Variants in ZNF776 observed in about 807,000 individuals in gnomAD.
The protein encoded by ZNF776 is zinc finger protein 776.
A neutral mutation model predicts 7.0 loss-of-function variants in ZNF776; 4 were observed. That is an observed-to-expected ratio of 0.57 (90% CI 0.28 to 1.31). The LOEUF (loss-of-function observed/expected upper bound fraction) is 1.31, where lower values mean the gene tolerates loss of function less well. ZNF776 is among the 50% of genes most tolerant of loss of function. ZNF776 has a pLI of 0.10. For synonymous variants in ZNF776, 212 were observed against 213.7 expected (o/e 0.99, Z 0.07); for missense variants, 555 against 625.9 (o/e 0.89, Z 1.21).
At position 57,756,149 on chromosome 19, in the gene ZNF776, T is replaced by C. The variant is rs1056823285; in HGVS notation, c.*1462T>C. On this transcript the variant is annotated 3_prime_UTR_variant, in exon 3 of 3. Transcript: ENST00000317178. ...GCATTCAAAGCTGTCCTGAGATACA[T>C]GCGGCCCACAAGCTGCGGGTTGGAC... 1.3e-5 allele frequency: 2 copies of C among 152,190 alleles called. No homozygotes were observed. The highest frequency in any genetic ancestry group is 2.9e-5 in the Non-Finnish European group (2 of 68,040). 9.4% of individuals were successfully genotyped at this position (152,190 alleles called of 1,614,324 possible).
intron 2 of ZNF776, among the ~76,000 whole-genome samples, chr19:57,752,607 T>G (rs576119015): frequency 1.3e-5 from 2 of 152,272 alleles, no homozygotes; most frequent in Admixed American, 6.5e-5. Flanking sequence ...CTCTCTGATT[T>G]CACAAGTATT....
rs754055495 is a variant in ZNF776 at position 57,756,882 on chromosome 19, T to G, written c.*2195T>G. 1.1e-5 allele frequency: 5 copies of G among 455,760 alleles called. No individual in the cohort carries two copies. The highest frequency in any genetic ancestry group is 7.8e-5 in the South Asian group (5 of 64,362). The allele number at this position is 455,760 out of a possible 1,614,324, so 28.2% of individuals were successfully genotyped here. A position where few individuals can be genotyped will look rare whatever the true frequency, so the allele number is the denominator to read the frequency against. On this transcript the variant is annotated 3_prime_UTR_variant, in exon 3 of 3. Transcript: ENST00000317178. The stretch of plus-strand genomic sequence containing the variant: ...TTTTTATTTTTTTAGGGAAATGATG[T>G]CACTCTGAAACTCAGGCTGGAATAC...
In ZNF776 at chr19:57,750,779, C is replaced by T. The variant is rs776661070; in HGVS notation, c.34-6C>T. The T allele has an allele frequency of 8.5e-5, 136 of 1,609,456 alleles. 1 individual carries two copies. The highest frequency in any genetic ancestry group is 3.4e-4 in the Admixed American group (20 of 59,562). On this transcript the variant is annotated splice_polypyrimidine_tract_variant and splice_region_variant and intron_variant, in intron 1 of 2. Coordinates refer to ENST00000317178, the MANE Select transcript of ZNF776 (RefSeq NM_173632.4). ...TTTGTGGTTTCATCTGTCATCATCA[C>T]GGCAGGGCACTGTGACCTTTGAAGA... is the stretch of plus-strand genomic sequence containing the variant.
At position 57,755,004 on chromosome 19, in the gene ZNF776, A is replaced by G. The variant is rs955712551; in HGVS notation, c.*317A>G. 2 of 321,882 alleles carry G rather than the reference A, an allele frequency of 6.2e-6. No homozygotes were observed. The highest frequency in any genetic ancestry group is 1.1e-5 in the Non-Finnish European group (2 of 174,144). 19.9% of individuals were successfully genotyped at this position (321,882 alleles called of 1,614,324 possible). ...ACACTACTGAGTTCACAGTTGAGAA[A>G]GGCCATATGACTGTAAGGAATTTGT... is the stretch of plus-strand genomic sequence containing the variant. On this transcript the variant is annotated 3_prime_UTR_variant, in exon 3 of 3. Coordinates refer to ENST00000317178, the MANE Select transcript of ZNF776 (RefSeq NM_173632.4).
rs899996968 is a variant in ZNF776, at chr19:57,757,061, C to T, written c.*2374C>T. The T allele has an allele frequency of 1.2e-4, 33 of 276,078 alleles. No individual in the cohort carries two copies. Among genetic ancestry groups the T allele is most frequent in the African/African-American group, 7.2e-4 (32 of 44,400 alleles). The allele number at this position is 276,078 out of a possible 1,614,324, so 17.1% of individuals were successfully genotyped here. On this transcript the variant is annotated 3_prime_UTR_variant, in exon 3 of 3. Transcript: ENST00000317178. The stretch of plus-strand genomic sequence containing the variant: ...ATTTTACCCTGACTGATGTTCAACT[C>T]CTGGCCTCAAGTAATCCTCTAGCAT...
At chr19:57,752,933 A>T (rs527962989) in intron 2 of ZNF776, among the ~76,000 whole-genome samples, 6 of 152,344 alleles carry the variant, frequency 3.9e-5, no homozygotes, top group South Asian at 2.1e-4. Context: ...TTTTCCTGTG[A>T]CACACAAACA....
rs1017469731 is a variant in ZNF776, at chr19:57,754,701, C to G, written c.*14C>G. 5.6e-6 allele frequency: 9 copies of G among 1,601,596 alleles called. No individual in the cohort carries two copies. The highest frequency in any genetic ancestry group is 2.2e-5 in the East Asian group (1 of 44,680). ...CATGAATGTTGAAAATTTGGCAGATCTGTTGGTAAAAAGAGCACCCTCATT... is the reference window on the plus strand; with the variant it reads ...CATGAATGTTGAAAATTTGGCAGATGTGTTGGTAAAAAGAGCACCCTCATT... On this transcript the variant is annotated 3_prime_UTR_variant, in exon 3 of 3. Coordinates refer to ENST00000317178, the MANE Select transcript of ZNF776 (RefSeq NM_173632.4).
intron 1 of ZNF776, among the ~76,000 whole-genome samples, chr19:57,748,871 T>G (rs935313828): frequency 2.0e-5 from 3 of 151,986 alleles, no homozygotes; most frequent in African/African-American, 7.3e-5. Flanking sequence ...TGGTAGTGTG[T>G]GGGGGGTTTC....
chr19:57,753,506 G>A lies in ZNF776; in HGVS notation c.376G>A (p.Asp126Asn), dbSNP rs746768569. 6 of 1,614,130 alleles carry A rather than the reference G, an allele frequency of 3.7e-6. No individual in the cohort carries two copies. Among genetic ancestry groups the A allele is most frequent in the Admixed American group, 1.7e-5 (1 of 60,010 alleles). The change falls in exon 3 of 3, where the codon GAT (aspartate) becomes AAT (asparagine). Residue 126 changes from aspartate to asparagine, a missense_variant. Asp to Asn is a conservative substitution (Grantham distance 23). Coordinates refer to ENST00000317178, the MANE Select transcript of ZNF776 (RefSeq NM_173632.4). Reference protein sequence around the residue: ...FGAYEKKLDDDANHHQDQKQH... With the variant: ...FGAYEKKLDDNANHHQDQKQH... Reference sequence around the variant, plus strand: ...GGCATATGAAAAAAAATTGGATGACGATGCAAACCATCATCAAGACCAGAA... The same window carrying A: ...GGCATATGAAAAAAAATTGGATGACAATGCAAACCATCATCAAGACCAGAA...
At position 57,754,408 on chromosome 19, in the gene ZNF776, C is replaced by T. The variant is rs1164988871; in HGVS notation, c.1278C>T (p.His426=). The T allele has an allele frequency of 1.9e-6, 3 of 1,614,208 alleles. No homozygotes were observed. The South Asian group carries it at 3.3e-5, about 18-fold the overall frequency. The part of the protein sequence containing the change: ...KSHLTEHQRV[H]TGERPYECRE... ...ACCTCACTGAACACCAGAGAGTTCA[C>T]ACTGGAGAAAGGCCATATGAGTGTA... Residue 426 remains histidine, a synonymous_variant, in exon 3 of 3, where the codon CAC becomes CAT. Transcript: ENST00000317178.
rs1986812090 is a variant in ZNF776, at chr19:57,757,502, A to C, written c.*2815A>C. 1 of 152,288 alleles carries C rather than the reference A, an allele frequency of 6.6e-6. No individual in the cohort carries two copies. Among genetic ancestry groups the C allele is most frequent in the Non-Finnish European group, 1.5e-5 (1 of 68,072 alleles). The allele number at this position is 152,288 out of a possible 1,614,324, so 9.4% of individuals were successfully genotyped here. ...CAGGTGGAAATGATCTTCCTGGCTCATAAGTATTTGGTATCACACAGGCTA... is the reference window on the plus strand; with the variant it reads ...CAGGTGGAAATGATCTTCCTGGCTCCTAAGTATTTGGTATCACACAGGCTA... On this transcript the variant is annotated 3_prime_UTR_variant, in exon 3 of 3. Coordinates refer to ENST00000317178, the MANE Select transcript of ZNF776 (RefSeq NM_173632.4).
intron 1 of ZNF776, among the ~76,000 whole-genome samples, chr19:57,747,423 A>AT (rs1986468698): frequency 6.6e-6 from 1 of 152,184 alleles, no homozygotes; most frequent in Admixed American, 6.5e-5. Flanking sequence ...GAACGCTGGA[A>AT]GCCATGGACA....
At position 57,754,783 on chromosome 19, in the gene ZNF776, C is replaced by A; in HGVS notation, c.*96C>A. 2 of 1,306,012 alleles carry A rather than the reference C, an allele frequency of 1.5e-6. No homozygotes were observed. The highest frequency in any genetic ancestry group is 2.1e-6 in the Non-Finnish European group (2 of 946,382). The allele number at this position is 1,306,012 out of a possible 1,614,324, so 80.9% of individuals were successfully genotyped here. A position where few individuals can be genotyped will look rare whatever the true frequency, so the allele number is the denominator to read the frequency against. On this transcript the variant is annotated 3_prime_UTR_variant, in exon 3 of 3. Transcript: ENST00000317178. ...TATGAGTATGGAGAATGTGCAAAAT[C>A]ATCTAGCCAAAAGGTTGGCCTCATT...
chr19:57,749,340 T>C (rs956931486), intron 1 of ZNF776: 15 of 152,194 alleles, frequency 9.9e-5, no homozygotes, highest in African/African-American at 3.4e-4. Flanking sequence ...GGGTAAGCCA[T>C]TGTAGCACAG....
Position 57,754,526 on chromosome 19 carries a change from G to A in ZNF776, c.1396G>A (p.Gly466Arg), listed in dbSNP as rs968755581. The change falls in exon 3 of 3, where the codon GGG becomes AGG. Residue 466 changes from glycine to arginine, a missense_variant. Gly to Arg is a moderately radical substitution (Grantham distance 125). Transcript: ENST00000317178. ...AAGGCCACATGAGTGTGGAGAATGTGGGAAATGTTTTCATCAAAAGGGCAG... is the reference window on the plus strand; with the variant it reads ...AAGGCCACATGAGTGTGGAGAATGTAGGAAATGTTTTCATCAAAAGGGCAG... ...GERPHECGEC[G>R]KCFHQKGSLI... 3.1e-6 allele frequency: 5 copies of A among 1,614,150 alleles called. No homozygotes were observed. The highest frequency in any genetic ancestry group is 4.2e-6 in the Non-Finnish European group (5 of 1,180,040).
chr19:57,746,858 A>T lies in ZNF776; in HGVS notation c.-201A>T. ...TGTTGGGTGTATTTTCCAGTGAGAG[A>T]CCGCGGAGTGTTGGGTCGTGTAGAA... On this transcript the variant is annotated 5_prime_UTR_variant, in exon 1 of 3. Coordinates refer to ENST00000317178, the MANE Select transcript of ZNF776 (RefSeq NM_173632.4). The T allele has an allele frequency of 2.2e-6, 1 of 463,316 alleles. No individual in the cohort carries two copies. Among genetic ancestry groups the T allele is most frequent in the Non-Finnish European group, 3.9e-6 (1 of 258,620 alleles). The allele number at this position is 463,316 out of a possible 1,614,324, so 28.7% of individuals were successfully genotyped here. A position where few individuals can be genotyped will look rare whatever the true frequency, so the allele number is the denominator to read the frequency against.
At position 57,753,288 on chromosome 19, in the gene ZNF776, T is replaced by C. The variant is rs1253982254; in HGVS notation, c.161-3T>C. ...CATTTTACCAGCATTTTATTTCTTT[T>C]AGGTTGTTGGTATGGAGCAAAAGAC... On this transcript the variant is annotated splice_polypyrimidine_tract_variant and splice_region_variant and intron_variant, in intron 2 of 2. Transcript: ENST00000317178. 6.2e-7 allele frequency: 1 copy of C among 1,602,716 alleles called. No homozygotes were observed. The highest frequency in any genetic ancestry group is 8.5e-7 in the Non-Finnish European group (1 of 1,173,750).
At chr19:57,751,346 A>T (rs1046753309) in intron 2 of ZNF776, among the ~76,000 whole-genome samples, 1 of 134,550 alleles carries the variant, frequency 7.4e-6, no homozygotes. Context: ...CTCCTTATAA[A>T]TTATCTTGTT....
At position 57,750,894 on chromosome 19, in the gene ZNF776, C is replaced by T. The variant is rs746030880; in HGVS notation, c.143C>T (p.Thr48Ile). ...CATGACGTGATGCTGGAGAACCTGA[C>T]ACTTATATCTTCTCTAGGTAAGGCA... ...LYHDVMLENL[T>I]LISSLGCWYG... Residue 48 changes from threonine to isoleucine, a missense_variant, in exon 2 of 3, where the codon ACA (threonine) becomes ATA (isoleucine). Transcript: ENST00000317178. 3 of 1,610,914 alleles carry T rather than the reference C, an allele frequency of 1.9e-6. No homozygotes were observed. The highest frequency in any genetic ancestry group is 2.2e-5 in the South Asian group (2 of 90,880).
Sources: gnomAD v4.1 joint callset for allele counts (sites outside exome capture counted in the v4.1 genomes callset) on GRCh38, gnomAD v4.1.1 for gene constraint, MANE v1.5 for transcripts, NCBI Gene and HGNC (gene_info 2026-07-23, HGNC 2026-07-21) for gene names.